ADCY5: variants seen among roughly 807,000 people sequenced by gnomAD.
ADCY5 encodes the protein adenylate cyclase 5.
A neutral mutation model predicts 119.7 loss-of-function variants in ADCY5; 30 were observed. The ratio of observed to expected loss-of-function variants is 0.25; its 90% CI spans 0.19 to 0.34. ADCY5 has a LOEUF of 0.34. ADCY5 is among the 10% of genes least tolerant of loss of function. The pLI, the probability that ADCY5 is intolerant of heterozygous loss-of-function variation, is 1.00. For missense variants in ADCY5, 1,324 were observed against 1,775.2 expected (o/e 0.75, Z 4.57); for synonymous variants, 753 against 762.2 (o/e 0.99, Z 0.20).
chr3:123,317,979 G>A (rs776556871), intron 11 of ADCY5, 41 bp downstream of exon 11: 23 of 1,564,874 alleles, frequency 1.5e-5, no homozygotes, highest in Non-Finnish European at 1.5e-5. Context: ...GGGATTCCCT[G>A]CAGCCAGAGG....
rs751040671 is a variant in ADCY5 at position 123,318,008 on chromosome 3, G to A, written c.2354+12C>T. 7.5e-6 allele frequency: 12 copies of A among 1,609,404 alleles called. No homozygotes were observed. The highest frequency in any genetic ancestry group is 5.5e-5 in the South Asian group (5 of 90,980). On this transcript the variant is annotated intron_variant, in intron 11 of 20. Coordinates refer to ENST00000462833, the MANE Select transcript of ADCY5 (RefSeq NM_183357.3). ...CCAGAGGAAGGAGCCCAAGAGGGAC[G>A]GGGATACTCACTGGGGCACGATGGT...
rs144018003 is a variant in ADCY5, at chr3:123,429,851, C to T, written c.1134+17561G>A. On this transcript the variant is annotated intron_variant, in intron 1 of 20. Coordinates refer to ENST00000462833, the MANE Select transcript of ADCY5 (RefSeq NM_183357.3). Reference sequence around the variant, plus strand: ...CTCTGCTGGGGAAGAGGCTGCCCCACCCCATACCCACGTCCAACCCCAACT... The same window carrying T: ...CTCTGCTGGGGAAGAGGCTGCCCCATCCCATACCCACGTCCAACCCCAACT... Among the ~76,000 whole-genome samples the T allele has an allele frequency of 2.0e-5, 3 of 152,298 alleles. No individual in the cohort carries two copies. The East Asian group carries it at 5.8e-4, about 29-fold the overall frequency.
At position 123,447,919 on chromosome 3, in the gene ADCY5, G is replaced by A. The variant is rs751442074; in HGVS notation, c.627C>T (p.Cys209=). Residue 209 remains cysteine, a synonymous_variant, in exon 1 of 21, where the codon TGC becomes TGT. Coordinates refer to ENST00000462833, the MANE Select transcript of ADCY5 (RefSeq NM_183357.3). The stretch of plus-strand genomic sequence containing the variant: ...AGCGGAATATCTGCAGCAACGCCAG[G>A]CAGCAGGCGCCCAGGGACAGCACCG... ...PGAVLSLGAC[C]LALLQIFRSK... 3 of 1,607,020 alleles carry A rather than the reference G, an allele frequency of 1.9e-6. No homozygotes were observed. The highest frequency in any genetic ancestry group is 2.2e-5 in the East Asian group (1 of 44,630).
At chr3:123,284,885 G>A in intron 20 of ADCY5, 149 bp from the exon 21 acceptor site, 1 of 1,053,922 alleles carries the variant, frequency 9.5e-7, no homozygotes, top group South Asian at 1.5e-5. Context: ...TGCTCTCAGG[G>A]ACTGACAGAC....
At chr3:123,309,974 A>G (rs544961749) in intron 12 of ADCY5, among the ~76,000 whole-genome samples, 1 of 152,214 alleles carries the variant, frequency 6.6e-6, no homozygotes, top group South Asian at 2.1e-4. Flanking sequence ...GTGACTGCAG[A>G]GCAGACAGGG....
intron 3 of ADCY5, among the ~76,000 whole-genome samples, chr3:123,339,084 C>T (rs2108442788): frequency 6.6e-6 from 1 of 152,312 alleles, no homozygotes; most frequent in Middle Eastern, 3.4e-3. Context: ...GGCAAGGTCT[C>T]AGCCCAACTC....
At chr3:123,355,486 C>T (rs1943008029) in intron 1 of ADCY5, among the ~76,000 whole-genome samples, 1 of 152,140 alleles carries the variant, frequency 6.6e-6, no homozygotes, top group Non-Finnish European at 1.5e-5. Flanking sequence ...AGAGGGCCAA[C>T]TGTACTATGA....
At chr3:123,415,375 G>A (rs544717165) in intron 1 of ADCY5, among the ~76,000 whole-genome samples, 18 of 152,122 alleles carry the variant, frequency 1.2e-4, no homozygotes, top group Admixed American at 9.8e-4. Context: ...GAGTGGGCCC[G>A]CCAGGTGTCA....
intron 1 of ADCY5, among the ~76,000 whole-genome samples, chr3:123,393,214 G>T (rs888312686): frequency 6.6e-6 from 1 of 152,098 alleles, no homozygotes; most frequent in East Asian, 1.9e-4. Context: ...CTGCAGCCTT[G>T]GGTTCATTAA....
Position 123,352,320 on chromosome 3 carries a change from A to T in ADCY5, c.1284+112T>A. On this transcript the variant is annotated intron_variant, in intron 2 of 20. Transcript: ENST00000462833. This position sits in a 1 kb window ranked among gnomAD's most constrained non-coding sequence, Gnocchi z 4.8. ...CCCATGGGTTGGTCCCCTCCCGGGG[A>T]GTGGGGCTGGCAGCCGTAATAAGCA... 1.5e-6 allele frequency: 2 copies of T among 1,341,722 alleles called. No homozygotes were observed. Among genetic ancestry groups the T allele is most frequent in the Non-Finnish European group, 2.0e-6 (2 of 1,007,832 alleles). 83.1% of individuals were successfully genotyped at this position (1,341,722 alleles called of 1,614,324 possible). A position where few individuals can be genotyped will look rare whatever the true frequency, so the allele number is the denominator to read the frequency against.
At chr3:123,305,746 G>A (rs149918967) in intron 12 of ADCY5, among the ~76,000 whole-genome samples, 188 of 152,316 alleles carry the variant, frequency 1.2e-3, no homozygotes, top group African/African-American at 4.4e-3. Flanking sequence ...TTGGGCTTGG[G>A]GCTGGCTGTG....
intron 8 of ADCY5, among the ~76,000 whole-genome samples, chr3:123,322,050 A>G (rs570398502): frequency 6.6e-6 from 1 of 152,304 alleles, no homozygotes; most frequent in South Asian, 2.1e-4. Context: ...TCACCATCCC[A>G]GCCCTGGGCT....
chr3:123,392,395 C>A (rs913347240), intron 1 of ADCY5, among the ~76,000 whole-genome samples: 1 of 152,122 alleles, frequency 6.6e-6, no homozygotes, highest in African/African-American at 2.4e-5. Context: ...AGGCTACAAA[C>A]CTGCCTGGGG....
chr3:123,385,308 C>T (rs77218068), intron 1 of ADCY5, among the ~76,000 whole-genome samples: 5 of 147,330 alleles, frequency 3.4e-5, no homozygotes, highest in East Asian at 1.9e-4. Context: ...CACACACACA[C>T]ACGCACGCAC....
intron 12 of ADCY5, among the ~76,000 whole-genome samples, chr3:123,309,662 G>A (rs1338558261): frequency 6.6e-6 from 1 of 152,172 alleles, no homozygotes; most frequent in African/African-American, 2.4e-5. Context: ...AACACAGGGA[G>A]AACCTACAAT....
chr3:123,405,546 G>A (rs1944877145), intron 1 of ADCY5, among the ~76,000 whole-genome samples: 1 of 152,234 alleles, frequency 6.6e-6, no homozygotes, highest in Admixed American at 6.5e-5. Context: ...CCTGAGCAGG[G>A]CCATACCAAA....
chr3:123,434,179 G>A (rs1474786448), intron 1 of ADCY5, among the ~76,000 whole-genome samples: 1 of 152,198 alleles, frequency 6.6e-6, no homozygotes, highest in East Asian at 1.9e-4. Flanking sequence ...TGGAGTCAGA[G>A]ATCTGAATTT....
At chr3:123,348,596 G>T in intron 2 of ADCY5, among the ~76,000 whole-genome samples, 1 of 152,196 alleles carries the variant, frequency 6.6e-6, no homozygotes, top group East Asian at 1.9e-4. Flanking sequence ...CAGTGGCCCA[G>T]GAGAGTGGGA....
At chr3:123,376,275 G>A (rs971258214) in intron 1 of ADCY5, among the ~76,000 whole-genome samples, 2 of 145,156 alleles carry the variant, frequency 1.4e-5, no homozygotes, top group East Asian at 2.1e-4. Flanking sequence ...CATCACCATC[G>A]CTGCCATGAT....
Sources: gnomAD v4.1 joint callset for allele counts (sites outside exome capture counted in the v4.1 genomes callset) on GRCh38, gnomAD v4.1.1 for gene constraint, Gnocchi (gnomAD v3.1) non-coding constraint, MANE v1.5 for transcripts, NCBI Gene and HGNC (gene_info 2026-07-23, HGNC 2026-07-21) for gene names.